Variants in AFAP1 observed in about 807,000 individuals in gnomAD.
The protein encoded by AFAP1 is actin filament associated protein 1.
AFAP1 carries 75 observed loss-of-function variants against 93.9 expected under a neutral mutation model. The ratio of observed to expected loss-of-function variants is 0.80; its 90% CI spans 0.66 to 0.97. The LOEUF (loss-of-function observed/expected upper bound fraction) is 0.97. AFAP1 is among the 50% of genes least tolerant of loss of function. The probability of loss-of-function intolerance (pLI) is 0.00; values close to 1 mark genes in which losing one functional copy is unlikely to be tolerated. For synonymous variants in AFAP1, 517 were observed against 430.7 expected, an observed-to-expected ratio of 1.20 and a Z score of -2.48; for missense variants, 1,201 against 1,050.8, an observed-to-expected ratio of 1.14 and a Z score of -1.98.
At chr4:7,825,814 C>G (rs893678683) in intron 6 of AFAP1, among the ~76,000 whole-genome samples, 1 of 151,764 alleles carries the variant, frequency 6.6e-6, no homozygotes, top group Non-Finnish European at 1.5e-5. Context: ...TTTGAGAGAA[C>G]TAATAAAATT....
At chr4:7,893,857 C>T (rs151182196) in intron 1 of AFAP1, among the ~76,000 whole-genome samples, 35 of 152,238 alleles carry the variant, frequency 2.3e-4, no homozygotes, top group African/African-American at 6.7e-4. Context: ...TACACCAGGG[C>T]GAGGGTGTTT....
chr4:7,799,464 C>T (rs562185078), intron 10 of AFAP1, among the ~76,000 whole-genome samples: 5 of 152,308 alleles, frequency 3.3e-5, no homozygotes, highest in East Asian at 1.9e-4. Context: ...TCTCCTCTGC[C>T]GATGAGTGTC....
chr4:7,889,847 G>C (rs1333412581), intron 1 of AFAP1, among the ~76,000 whole-genome samples: 1 of 151,092 alleles, frequency 6.6e-6, no homozygotes, highest in African/African-American at 2.4e-5. Context: ...ATGAGATGCT[G>C]TTAAGAAAAC....
intron 1 of AFAP1, among the ~76,000 whole-genome samples, chr4:7,899,835 A>T (rs1719011281): frequency 6.6e-6 from 1 of 151,624 alleles, no homozygotes; most frequent in South Asian, 2.1e-4. Flanking sequence ...CATACTGGCC[A>T]CCTGAGGGGT....
chr4:7,765,906 G>A (rs116498975), intron 17 of AFAP1, among the ~76,000 whole-genome samples: 16 of 152,290 alleles, frequency 1.1e-4, no homozygotes, highest in Non-Finnish European at 1.9e-4. Context: ...CACAGCGCCC[G>A]GCCACCAAAG....
chr4:7,868,509 G>T, intron 3 of AFAP1, 113 bp downstream of exon 3: 1 of 878,604 alleles, frequency 1.1e-6, no homozygotes, highest in Non-Finnish European at 1.7e-6. Context: ...AGTGCCTCGA[G>T]ACAAATAAGG....
intron 9 of AFAP1, among the ~76,000 whole-genome samples, chr4:7,806,003 AAG>A (rs1448751924): frequency 2.0e-5 from 3 of 152,180 alleles, no homozygotes. Context: ...AGGGATGGGG[AAG>A]AGAGAAAAAG....
chr4:7,890,000 T>C (rs1466241571), intron 1 of AFAP1, among the ~76,000 whole-genome samples: 1 of 102,580 alleles, frequency 9.7e-6, no homozygotes, highest in Non-Finnish European at 2.0e-5. Flanking sequence ...GGAGCAATTT[T>C]TGTTAAAAAA....
intron 3 of AFAP1, among the ~76,000 whole-genome samples, chr4:7,860,235 T>C (rs1715520934): frequency 1.3e-5 from 2 of 152,320 alleles, no homozygotes; most frequent in South Asian, 2.1e-4. Flanking sequence ...TGCAAAATGC[T>C]TGGGACCAGA....
rs1199577928 is a variant in AFAP1, at chr4:7,898,430, C to T, written c.-2-26350G>A. On this transcript the variant is annotated intron_variant, in intron 1 of 17. Coordinates refer to ENST00000420658, the MANE Select transcript of AFAP1 (RefSeq NM_001134647.2). ...TCTCAGAAGGGGAAAAAAAAAGCCTCCCAACCCACCTCTCTCCTTCCGCCT... is the reference window on the plus strand; with the variant it reads ...TCTCAGAAGGGGAAAAAAAAAGCCTTCCAACCCACCTCTCTCCTTCCGCCT... Among the ~76,000 whole-genome samples the T allele has an allele frequency of 4.0e-5, 6 of 151,682 alleles. No homozygotes were observed. In the East Asian group the frequency reaches 1.2e-3, roughly 29 times the overall value.
At chr4:7,854,681 A>C (rs1169616629) in intron 4 of AFAP1, among the ~76,000 whole-genome samples, 1 of 151,942 alleles carries the variant, frequency 6.6e-6, no homozygotes, top group African/African-American at 2.4e-5. Context: ...TCCTGAGTAC[A>C]GTCAGCAACT....
chr4:7,841,884 A>C (rs1316836182), intron 5 of AFAP1, among the ~76,000 whole-genome samples: 1 of 143,420 alleles, frequency 7.0e-6, no homozygotes, highest in Non-Finnish European at 1.5e-5. Context: ...AGAAGTTAAG[A>C]AGTTAGGGGG....
Position 7,774,806 on chromosome 4 carries a change from C to A in AFAP1, c.1995G>T (p.Leu665=). The change falls in exon 15 of 18, where the codon CTG becomes CTT. Residue 665 remains leucine (L), a synonymous_variant. Transcript: ENST00000420658. ...EEELLKRKEA[L]RNRLAQLRKE... ...TGCGGAGCTGGGCCAGCCTATTCCG[C>A]AGGGCCTCTTTCCTCTTCAGCAGCT... 1 of 1,614,242 alleles carries A rather than the reference C, an allele frequency of 6.2e-7. No individual in the cohort carries two copies. Among genetic ancestry groups the A allele is most frequent in the Non-Finnish European group, 8.5e-7 (1 of 1,180,044 alleles).
At chr4:7,878,120 T>G (rs1268662030) in intron 1 of AFAP1, among the ~76,000 whole-genome samples, 1 of 152,236 alleles carries the variant, frequency 6.6e-6, no homozygotes, top group Non-Finnish European at 1.5e-5. Context: ...TTTAAACTTT[T>G]AATACAAACA....
At chr4:7,799,693 A>T (rs945797286) in intron 10 of AFAP1, among the ~76,000 whole-genome samples, 1 of 152,206 alleles carries the variant, frequency 6.6e-6, no homozygotes, top group Admixed American at 6.5e-5. Flanking sequence ...ACTCAGAAAT[A>T]AAGGGAAAAA....
At chr4:7,912,414 T>C (rs4696772) in intron 1 of AFAP1, among the ~76,000 whole-genome samples, 134,134 of 152,240 alleles carry the variant, frequency 0.88, 59,337 homozygotes, top group African/African-American at 0.96. Context: ...CTTCCATTCC[T>C]GCCAGCCAAG....
chr4:7,828,937 T>G (rs1395240520), intron 6 of AFAP1, among the ~76,000 whole-genome samples: 1 of 152,228 alleles, frequency 6.6e-6, no homozygotes, highest in Non-Finnish European at 1.5e-5. Flanking sequence ...CCATGTCTCA[T>G]GGGAGGGACC....
At chr4:7,880,681 C>A (rs971832481) in intron 1 of AFAP1, among the ~76,000 whole-genome samples, 1 of 152,216 alleles carries the variant, frequency 6.6e-6, no homozygotes, top group Admixed American at 6.5e-5. Flanking sequence ...AACGGGGTGA[C>A]CAGACCGCCA....
At chr4:7,893,854 G>A (rs1227484990) in intron 1 of AFAP1, among the ~76,000 whole-genome samples, 1 of 152,132 alleles carries the variant, frequency 6.6e-6, no homozygotes, top group Non-Finnish European at 1.5e-5. Flanking sequence ...TGGTACACCA[G>A]GGCGAGGGTG....
Sources: allele counts gnomAD v4.1 joint callset (sites outside exome capture counted in the v4.1 genomes callset), GRCh38; gene constraint gnomAD v4.1.1; transcripts MANE v1.5; gene names NCBI Gene and HGNC (gene_info 2026-07-23, HGNC 2026-07-21).